The following NRF1 variants were observed in gnomAD, a reference collection of about 807,000 sequenced individuals.
The protein encoded by NRF1 is alpha palindromic-binding protein.
NRF1 carries 5 observed loss-of-function variants against 58.5 expected under a neutral mutation model. That is an observed-to-expected ratio of 0.09 (90% CI 0.04 to 0.18). NRF1 has a LOEUF of 0.18. Ranked by LOEUF, NRF1 falls within the 10% of genes least tolerant of loss-of-function variation. The pLI is 1.00. For missense variants in NRF1, 288 were observed against 657.7 expected (o/e 0.44, Z 6.15); for synonymous variants, 224 against 246.7 (o/e 0.91, Z 0.86).
At chr7:129,744,023 G>A (rs1803909891) in intron 10 of NRF1, 4 of 591,576 alleles carry the variant, frequency 6.8e-6, no homozygotes, top group East Asian at 3.0e-5. Flanking sequence ...CATGCTTGCC[G>A]AAGGCTTTCC....
chr7:129,656,793 T>C (rs1801667376), intron 1 of NRF1, among the ~76,000 whole-genome samples: 1 of 152,164 alleles, frequency 6.6e-6, no homozygotes, highest in African/African-American at 2.4e-5. Flanking sequence ...GCCAGGCTGG[T>C]CTCGAACTCC....
rs543570147 is a variant in NRF1 at position 129,737,335 on chromosome 7, T to C, written c.1348+9970T>C. Among the ~76,000 whole-genome samples, 7 of 152,344 alleles carry C rather than the reference T, an allele frequency of 4.6e-5. 1 individual carries two copies. The South Asian group carries it at 1.4e-3, about 32-fold the overall frequency. ...TAGGGCTGCTGTTCTCTTCTGCACATAGTTTGCGGTCATGAGTGTGGCCTT... is the reference window on the plus strand; with the variant it reads ...TAGGGCTGCTGTTCTCTTCTGCACACAGTTTGCGGTCATGAGTGTGGCCTT... On this transcript the variant is annotated intron_variant, in intron 10 of 10. Transcript: ENST00000393232.
intron 10 of NRF1, chr7:129,744,311 C>G (rs1803920680): frequency 1.6e-6 from 2 of 1,250,962 alleles, no homozygotes; most frequent in African/African-American, 1.5e-5. Flanking sequence ...CTGCTTCCTG[C>G]TTGGATGGTG....
At chr7:129,662,768 T>A (rs1413542744) in intron 2 of NRF1, among the ~76,000 whole-genome samples, 3 of 151,864 alleles carry the variant, frequency 2.0e-5, no homozygotes, top group Non-Finnish European at 4.4e-5. Context: ...TTATTTATTT[T>A]AGTATTTATT....
intron 1 of NRF1, chr7:129,633,862 A>G (rs990187432): frequency 2.6e-5 from 4 of 151,458 alleles, no homozygotes; most frequent in African/African-American, 9.7e-5. Context: ...CTATATGTGT[A>G]ACAAATTTAT....
chr7:129,708,376 A>G (rs1289450478), intron 5 of NRF1, among the ~76,000 whole-genome samples: 2 of 152,236 alleles, frequency 1.3e-5, no homozygotes, highest in African/African-American at 2.4e-5. Flanking sequence ...GATTTGTAAA[A>G]TAAATCTGAA....
intron 10 of NRF1, among the ~76,000 whole-genome samples, chr7:129,750,919 G>A (rs1804100134): frequency 6.6e-6 from 1 of 152,206 alleles, no homozygotes; most frequent in Non-Finnish European, 1.5e-5. Context: ...TTAGTAAGCA[G>A]GTTTCATTCA....
At position 129,741,734 on chromosome 7, in the gene NRF1, C is replaced by CTGTT. The variant is rs1803850325; in HGVS notation, c.1349-13283_1349-13280dup. On this transcript the variant is annotated intron_variant, in intron 10 of 10. Transcript: ENST00000393232. This position sits in a 1 kb window ranked among gnomAD's most constrained non-coding sequence, Gnocchi z 4.0. ...AGGATTTTGAAGGAATGCCAGTGCA[C>CTGTT]TGTTATTAACTCTAATAGCTTGTCC... Among the ~76,000 whole-genome samples the CTGTT allele has an allele frequency of 6.6e-6, 1 of 152,202 alleles. No homozygotes were observed. Among genetic ancestry groups the CTGTT allele is most frequent in the African/African-American group, 2.4e-5 (1 of 41,442 alleles).
At chr7:129,710,761 A>C (rs541533156) in intron 7 of NRF1, among the ~76,000 whole-genome samples, 190 bp downstream of exon 7, 2 of 152,158 alleles carry the variant, frequency 1.3e-5, no homozygotes, top group African/African-American at 4.8e-5. Context: ...ATACAGAGCT[A>C]TGAGTAGCTT....
rs996305477 is a variant in NRF1, at chr7:129,753,150, A to G, written c.1349-1868A>G. 1.1e-4 allele frequency among the ~76,000 whole-genome samples: 16 copies of G among 152,286 alleles called. No individual in the cohort carries two copies. The East Asian group carries it at 2.9e-3, about 27-fold the overall frequency. Reference sequence around the variant, plus strand: ...TCTTATATTTGATTTTTTTTGCATTAGAAAATATTTTGACAACCCTTTTTA... The same window carrying G: ...TCTTATATTTGATTTTTTTTGCATTGGAAAATATTTTGACAACCCTTTTTA... On this transcript the variant is annotated intron_variant, in intron 10 of 10. Transcript: ENST00000393232.
At chr7:129,673,940 G>A (rs1217703931) in intron 3 of NRF1, among the ~76,000 whole-genome samples, 2 of 152,126 alleles carry the variant, frequency 1.3e-5, no homozygotes, top group African/African-American at 2.4e-5. Flanking sequence ...GGGAGTTTGA[G>A]ACCAGCTTGG....
chr7:129,691,585 C>T (rs1384058086), intron 5 of NRF1, among the ~76,000 whole-genome samples: 3 of 150,490 alleles, frequency 2.0e-5, no homozygotes, highest in Non-Finnish European at 4.4e-5. Flanking sequence ...AAACTCCTGA[C>T]CTCATGTGAT....
intron 10 of NRF1, among the ~76,000 whole-genome samples, chr7:129,732,222 A>G (rs1446555265): frequency 6.6e-6 from 1 of 152,210 alleles, no homozygotes; most frequent in African/African-American, 2.4e-5. Context: ...AGCAAACGTA[A>G]TGAAAGAGAA....
chr7:129,628,202 C>G (rs1800964989), intron 1 of NRF1, among the ~76,000 whole-genome samples: 1 of 151,566 alleles, frequency 6.6e-6, no homozygotes, highest in Non-Finnish European at 1.5e-5. Context: ...CGCCACCACG[C>G]CCGGCTAATT....
At chr7:129,687,663 G>T (rs1802473477) in intron 4 of NRF1, among the ~76,000 whole-genome samples, 1 of 152,192 alleles carries the variant, frequency 6.6e-6, no homozygotes, top group Non-Finnish European at 1.5e-5. Flanking sequence ...GGTGCTAAAT[G>T]ATTTGTTGAG....
At chr7:129,626,729 T>C (rs1406422641) in intron 1 of NRF1, among the ~76,000 whole-genome samples, 1 of 152,220 alleles carries the variant, frequency 6.6e-6, no homozygotes, top group African/African-American at 2.4e-5. Context: ...ACACCAATTA[T>C]GTTGGGCAGA....
At chr7:129,742,419 G>C (rs370621428) in intron 10 of NRF1, among the ~76,000 whole-genome samples, 73 of 152,178 alleles carry the variant, frequency 4.8e-4, no homozygotes, top group African/African-American at 1.6e-3. Context: ...TGGCTCGCTA[G>C]AGAGGCGTCC....
intron 1 of NRF1, among the ~76,000 whole-genome samples, chr7:129,614,496 G>A (rs1189238164): frequency 9.5e-5 from 12 of 126,474 alleles, no homozygotes; most frequent in African/African-American, 3.6e-4. Flanking sequence ...TTTTTTTTAA[G>A]TTAGAGATGG....
At chr7:129,619,459 CGTGTGTGTGTGTGT>C (rs199945725) in intron 1 of NRF1, among the ~76,000 whole-genome samples, 4 of 61,158 alleles carry the variant, frequency 6.5e-5, no homozygotes, top group African/African-American at 2.2e-4. Context: ...TATATATACA[CGTGTGTGTGTGTGT>C]GTGTGTGTGT....
Sources: allele counts gnomAD v4.1 joint callset (sites outside exome capture counted in the v4.1 genomes callset), GRCh38; gene constraint gnomAD v4.1.1; non-coding constraint Gnocchi (gnomAD v3.1); transcripts MANE v1.5; gene names NCBI Gene and HGNC (gene_info 2026-07-23, HGNC 2026-07-21).